Variants in MYBPC3 observed in about 807,000 individuals in gnomAD.
MYBPC3 encodes myosin binding protein C3, also known as myosin-binding protein C, cardiac-type.
A neutral mutation model predicts 159.3 loss-of-function variants in MYBPC3; 108 were observed. The observed-to-expected ratio is 0.68, with a 90% confidence interval of 0.58 to 0.80. The LOEUF (loss-of-function observed/expected upper bound fraction) is 0.80. Ranked by LOEUF, MYBPC3 falls within the 30% of genes least tolerant of loss-of-function variation. The pLI, the probability that MYBPC3 is intolerant of heterozygous loss-of-function variation, is 0.00. For synonymous variants in MYBPC3, 730 were observed against 702.0 expected, an observed-to-expected ratio of 1.04 and a Z score of -0.63; for missense variants, 1,631 against 1,762.1, an observed-to-expected ratio of 0.93 and a Z score of 1.33.
chr11:47,332,679 A>G lies in MYBPC3; in HGVS notation c.3514T>C (p.Tyr1172His), dbSNP rs1280085255. ...RPGITYEPPN[Y>H]KALDFSEAPS... ...GCCTCGGAGAAGTCCAGGGCCTTAT[A>G]GTTGGGTGGCTCATAGGTGATGCCT... Residue 1172 changes from tyrosine to histidine, a missense_variant, in exon 32 of 35, where the codon TAT (tyrosine) becomes CAT (histidine). Transcript: ENST00000545968. The surrounding 1 kb of genome is among the most constrained non-coding windows in gnomAD (Gnocchi z 4.2). 3 of 1,612,144 alleles carry G rather than the reference A, an allele frequency of 1.9e-6. No homozygotes were observed. Among genetic ancestry groups the G allele is most frequent in the Non-Finnish European group, 2.5e-6 (3 of 1,179,112 alleles).
In MYBPC3 at chr11:47,351,827, T is replaced by A. The variant is rs1188115152; in HGVS notation, c.26-322A>T. 6.6e-6 allele frequency among the ~76,000 whole-genome samples: 1 copy of A among 152,116 alleles called. No homozygotes were observed. Among genetic ancestry groups the A allele is most frequent in the Non-Finnish European group, 1.5e-5 (1 of 67,996 alleles). On this transcript the variant is annotated intron_variant, in intron 1 of 34. Transcript: ENST00000545968. This position sits in a 1 kb window ranked among gnomAD's most constrained non-coding sequence, Gnocchi z 4.2. ...ACACCCGTGATGAACCCAGCTCCCT[T>A]TCCCCCAACCATTTCGGGCCCTTGG...
At chr11:47,340,625 C>A (rs1030536465) in intron 20 of MYBPC3, among the ~76,000 whole-genome samples, 1 of 152,114 alleles carries the variant, frequency 6.6e-6, no homozygotes, top group African/African-American at 2.4e-5. Flanking sequence ...CGAGATCGCG[C>A]CACTTCTCTC....
Position 47,333,342 on chromosome 11 carries a change from G to A in MYBPC3, c.3191-9C>T, listed in dbSNP as rs1316069252. 2 of 1,558,600 alleles carry A rather than the reference G, an allele frequency of 1.3e-6. No individual in the cohort carries two copies. The highest frequency in any genetic ancestry group is 1.7e-4 in the Middle Eastern group (1 of 5,928). On this transcript the variant is annotated splice_polypyrimidine_tract_variant and intron_variant, in intron 29 of 34. Transcript: ENST00000545968. The stretch of plus-strand genomic sequence containing the variant: ...GGGAGGACTTGGCTTGTCTGCGGGA[G>A]ACAGACCCAGTTGGGTCACCACGCC...
intron 20 of MYBPC3, among the ~76,000 whole-genome samples, chr11:47,340,260 TACACAC>T (rs774247126): frequency 6.6e-6 from 1 of 150,784 alleles, no homozygotes. Flanking sequence ...CATATATACA[TACACAC>T]ACAGACACAT....
At position 47,347,337 on chromosome 11, in the gene MYBPC3, G is replaced by T. The variant is rs1242480102; in HGVS notation, c.905+89C>A. On this transcript the variant is annotated intron_variant, in intron 9 of 34. Coordinates refer to ENST00000545968, the MANE Select transcript of MYBPC3 (RefSeq NM_000256.3). Reference sequence around the variant, plus strand: ...CCAACTCAGAGAGGTGCAGTGTTGTGCTCAGGGTCACACAGCTGGCAAACC... The same window carrying T: ...CCAACTCAGAGAGGTGCAGTGTTGTTCTCAGGGTCACACAGCTGGCAAACC... 3 of 1,549,508 alleles carry T rather than the reference G, an allele frequency of 1.9e-6. No homozygotes were observed. In the East Asian group the frequency reaches 7.3e-5, roughly 38 times the overall value.
At chr11:47,340,228 C>A (rs11570088) in intron 20 of MYBPC3, among the ~76,000 whole-genome samples, 1,947 of 138,364 alleles carry the variant, frequency 0.014, 14 homozygotes, top group Admixed American at 0.019. Context: ...TACATACACG[C>A]ACACACACAG....
rs3729952 is a variant in MYBPC3 at position 47,337,495 on chromosome 11, G to A, written c.2498C>T (p.Ala833Val). Residue 833 changes from alanine (A) to valine (V), a missense_variant, in exon 25 of 35, where the codon GCG becomes GTG. Transcript: ENST00000545968. ...FDLIQELSHE[A>V]RRMIEGVVYE... ...CACCACGCCCTCGATCATGCGCCGC[G>A]CTTCATGACTCAGCTCCTGAATCAG... 2,165 of 1,614,004 alleles carry A rather than the reference G, an allele frequency of 1.3e-3. 29 individuals carry two copies. The African/African-American group carries it at 0.025, about 19-fold the overall frequency.
chr11:47,342,788 C>T (rs1462637842), intron 16 of MYBPC3, 42 bp downstream of exon 16: 1 of 1,612,126 alleles, frequency 6.2e-7, no homozygotes. Flanking sequence ...CTCTTCTGGG[C>T]AGATGCCCCC....
Position 47,332,824 on chromosome 11 carries a change from G to T in MYBPC3, c.3480C>A (p.Ile1160=). The T allele has an allele frequency of 6.2e-7, 1 of 1,606,214 alleles. No homozygotes were observed. Among genetic ancestry groups the T allele is most frequent in the Non-Finnish European group, 8.5e-7 (1 of 1,176,336 alleles). Reference sequence around the variant, plus strand: ...ATGAGGGTACAGCACCTGGTCTGGGGATAAAGACGGGCTCCTTGGTGGTGG... The same window carrying T: ...ATGAGGGTACAGCACCTGGTCTGGGTATAAAGACGGGCTCCTTGGTGGTGG... ...RAATTKEPVF[I]PRPGITYEPP... Residue 1160 remains isoleucine (I), a synonymous_variant, in exon 31 of 35, where the codon ATC becomes ATA. Coordinates refer to ENST00000545968, the MANE Select transcript of MYBPC3 (RefSeq NM_000256.3). The surrounding 1 kb of genome is among the most constrained non-coding windows in gnomAD (Gnocchi z 4.2).
rs1235890978 is a variant in MYBPC3, at chr11:47,332,752, C to T, written c.3491-50G>A. Reference sequence around the variant, plus strand: ...GAGAGGGCCACACAAAGCTAGGCCCCTCTCCCTGTTCCCACAGCCTCCCTG... The same window carrying T: ...GAGAGGGCCACACAAAGCTAGGCCCTTCTCCCTGTTCCCACAGCCTCCCTG... On this transcript the variant is annotated intron_variant, in intron 31 of 34. Transcript: ENST00000545968. The surrounding 1 kb of genome is among the most constrained non-coding windows in gnomAD (Gnocchi z 4.2). 6.3e-7 allele frequency: 1 copy of T among 1,585,168 alleles called. No homozygotes were observed. Among genetic ancestry groups the T allele is most frequent in the Non-Finnish European group, 8.6e-7 (1 of 1,164,872 alleles).
Position 47,343,071 on chromosome 11 carries a change from T to G in MYBPC3, c.1301A>C (p.Tyr434Ser). 1.2e-6 allele frequency: 2 copies of G among 1,612,550 alleles called. No homozygotes were observed. The highest frequency in any genetic ancestry group is 8.5e-7 in the Non-Finnish European group (1 of 1,179,408). Residue 434 changes from tyrosine (Y) to serine (S), a missense_variant, in exon 15 of 35, where the codon TAC becomes TCC. Transcript: ENST00000545968. ...SQCSLADDAA[Y>S]QCVVGGEKCS... ...CTTCTCGCCACCCACCACGCACTGG[T>G]AGGCTGCGTCGTCCGCCAATGAGCA... is the stretch of plus-strand genomic sequence containing the variant.
In MYBPC3 at chr11:47,346,500, G is replaced by A; in HGVS notation, c.926+127C>T. 1.4e-6 allele frequency: 2 copies of A among 1,454,390 alleles called. No individual in the cohort carries two copies. The highest frequency in any genetic ancestry group is 1.4e-5 in the South Asian group (1 of 71,268). The allele number at this position is 1,454,390 out of a possible 1,614,324, so 90.1% of individuals were successfully genotyped here. On this transcript the variant is annotated intron_variant, in intron 11 of 34. Transcript: ENST00000545968. The surrounding 1 kb of genome is among the most constrained non-coding windows in gnomAD (Gnocchi z 5.3). ...CCCCTTCCCTTCTGGTGGGGCAGCTGGAGCTGCTCTGGGTCCCAGGCCAGG... is the reference window on the plus strand; with the variant it reads ...CCCCTTCCCTTCTGGTGGGGCAGCTAGAGCTGCTCTGGGTCCCAGGCCAGG...
rs758903546 is a variant in MYBPC3 at position 47,350,530 on chromosome 11, C to T, written c.378G>A (p.Glu126=). The change falls in exon 3 of 35, where the codon GAG becomes GAA. Residue 126 remains glutamate (E), a synonymous_variant. Transcript: ENST00000545968. ...TGGGACTTGGGGCACTTTCTCCCAGCTCAGCGGCTGGGGCCGGGGCTTCTC... is the reference window on the plus strand; with the variant it reads ...TGGGACTTGGGGCACTTTCTCCCAGTTCAGCGGCTGGGGCCGGGGCTTCTC... ...APGEAPAPAA[E]LGESAPSPKG... is the part of the protein sequence containing the mutation. 10 of 1,558,998 alleles carry T rather than the reference C, an allele frequency of 6.4e-6. No homozygotes were observed. In the South Asian group the frequency reaches 1.1e-4, roughly 17 times the overall value.
chr11:47,334,142 T>G, intron 27 of MYBPC3, 132 bp from the exon 28 acceptor site: 1 of 809,848 alleles, frequency 1.2e-6, no homozygotes, highest in Non-Finnish European at 1.9e-6. Context: ...GCCCTGCGCC[T>G]CCTTTAGCTC....
chr11:47,348,379 C>T (rs1365309587), intron 6 of MYBPC3, 45 bp downstream of exon 6: 1 of 1,420,736 alleles, frequency 7.0e-7, no homozygotes, highest in Admixed American at 1.9e-5. Context: ...GAGACCAGGA[C>T]CCATGGGGAG....
At chr11:47,337,849 A>G in intron 23 of MYBPC3, 55 bp from the exon 24 acceptor site, 1 of 1,476,700 alleles carries the variant, frequency 6.8e-7, no homozygotes, top group Non-Finnish European at 9.2e-7. Flanking sequence ...GGCCTTGAGT[A>G]ACGTTGCTCG....
chr11:47,331,915 C>T, intron 33 of MYBPC3, 34 bp from the exon 34 acceptor site: 1 of 1,607,426 alleles, frequency 6.2e-7, no homozygotes, highest in Non-Finnish European at 8.5e-7. Context: ...CTGTGTCCTC[C>T]CAGCCTTCTG....
Position 47,346,449 on chromosome 11 carries a change from G to T in MYBPC3, c.927-79C>A. ...GGGGCTTCCTGGGCCCAGGACCAAG[G>T]AGCTGTAGCCACCCCTGTCCCTCTG... On this transcript the variant is annotated intron_variant, in intron 11 of 34. Coordinates refer to ENST00000545968, the MANE Select transcript of MYBPC3 (RefSeq NM_000256.3). The surrounding 1 kb of genome is among the most constrained non-coding windows in gnomAD (Gnocchi z 5.3). 6.8e-7 allele frequency: 1 copy of T among 1,473,758 alleles called. No individual in the cohort carries two copies. The highest frequency in any genetic ancestry group is 9.0e-7 in the Non-Finnish European group (1 of 1,106,304). The allele number at this position is 1,473,758 out of a possible 1,614,324, so 91.3% of individuals were successfully genotyped here. A position where few individuals can be genotyped will look rare whatever the true frequency, so the allele number is the denominator to read the frequency against.
chr11:47,342,967 TC>T (rs748266252), intron 15 of MYBPC3, 32 bp from the exon 16 acceptor site: 2 of 1,611,880 alleles, frequency 1.2e-6, no homozygotes, highest in African/African-American at 2.7e-5. Context: ...GAGGGTTGGC[TC>T]CCCTGAGGCC....
Sources: gnomAD v4.1 joint callset for allele counts (sites outside exome capture counted in the v4.1 genomes callset) on GRCh38, gnomAD v4.1.1 for gene constraint, Gnocchi (gnomAD v3.1) non-coding constraint, MANE v1.5 for transcripts, NCBI Gene and HGNC (gene_info 2026-07-23, HGNC 2026-07-21) for gene names.